PLEKHA3: variants seen among roughly 807,000 people sequenced by gnomAD.
The protein encoded by PLEKHA3 is pleckstrin homology domain-containing family A member 3.
In PLEKHA3, 19 loss-of-function variants were observed where a neutral mutation model predicts 39.2. That is an observed-to-expected ratio of 0.48 (90% CI 0.34 to 0.71). The LOEUF (loss-of-function observed/expected upper bound fraction) is 0.71, where lower values mean the gene tolerates loss of function less well. Ranked by LOEUF, PLEKHA3 falls within the 30% of genes least tolerant of loss-of-function variation. The pLI, the probability that PLEKHA3 is intolerant of heterozygous loss-of-function variation, is 0.01. For missense variants in PLEKHA3, 253 were observed against 359.5 expected (o/e 0.70, Z 2.40); for synonymous variants, 97 against 118.6 (o/e 0.82, Z 1.18).
chr2:178,503,142 G>A (rs972230477), intron 7 of PLEKHA3, among the ~76,000 whole-genome samples: 7 of 152,018 alleles, frequency 4.6e-5, no homozygotes, highest in African/African-American at 1.2e-4. Context: ...AGGTACAACT[G>A]CCTTAGAACA....
chr2:178,494,429 G>C (rs931838569), intron 4 of PLEKHA3, among the ~76,000 whole-genome samples: 1 of 152,224 alleles, frequency 6.6e-6, no homozygotes, highest in Non-Finnish European at 1.5e-5. Flanking sequence ...TCAAAACTCA[G>C]ATTAGTAGGA....
At chr2:178,499,306 G>T in intron 6 of PLEKHA3, 52 bp downstream of exon 6, 1 of 1,578,108 alleles carries the variant, frequency 6.3e-7, no homozygotes, top group African/African-American at 1.4e-5. Context: ...ATCCATCTAG[G>T]GAAGTTCTTT....
chr2:178,491,425 T>C (rs977229529), intron 3 of PLEKHA3, among the ~76,000 whole-genome samples: 4 of 152,202 alleles, frequency 2.6e-5, no homozygotes, highest in Non-Finnish European at 4.4e-5. Flanking sequence ...TTCAGAATTA[T>C]GTGTATTGTT....
At chr2:178,481,355 A>G (rs187960713) in intron 1 of PLEKHA3, among the ~76,000 whole-genome samples, 20 of 152,266 alleles carry the variant, frequency 1.3e-4, no homozygotes, top group African/African-American at 4.1e-4. Context: ...TTTCCTTAAC[A>G]TTTTATTTAA....
Position 178,513,412 on chromosome 2 carries a change from A to ATTAT in PLEKHA3, c.*9527_*9530dup, listed in dbSNP as rs1413863774. On this transcript the variant is annotated 3_prime_UTR_variant, in exon 8 of 8. Coordinates refer to ENST00000234453, the MANE Select transcript of PLEKHA3 (RefSeq NM_019091.4). ...TGACAGTTGAACAATTCTGACCCCTATTATTGTTGGCTGGACAGGCATTTT... is the reference window on the plus strand; with the variant it reads ...TGACAGTTGAACAATTCTGACCCCTATTATTTATTGTTGGCTGGACAGGCATTTT... 1 of 152,118 alleles carries ATTAT rather than the reference A, an allele frequency of 6.6e-6. No individual in the cohort carries two copies. The highest frequency in any genetic ancestry group is 1.5e-5 in the Non-Finnish European group (1 of 68,014). The allele number at this position is 152,118 out of a possible 1,614,324, so 9.4% of individuals were successfully genotyped here.
intron 6 of PLEKHA3, among the ~76,000 whole-genome samples, chr2:178,500,440 A>C (rs1685512721): frequency 6.6e-6 from 1 of 152,104 alleles, no homozygotes; most frequent in Non-Finnish European, 1.5e-5. Flanking sequence ...TACCTCATAA[A>C]ATAATAATTT....
Position 178,510,900 on chromosome 2 carries a change from T to C in PLEKHA3, c.*7013T>C, listed in dbSNP as rs575701574. 17 of 152,358 alleles carry C rather than the reference T, an allele frequency of 1.1e-4. No homozygotes were observed. Among genetic ancestry groups the C allele is most frequent in the Non-Finnish European group, 2.5e-4 (17 of 68,038 alleles). The allele number at this position is 152,358 out of a possible 1,614,324, so 9.4% of individuals were successfully genotyped here. A position where few individuals can be genotyped will look rare whatever the true frequency, so the allele number is the denominator to read the frequency against. On this transcript the variant is annotated 3_prime_UTR_variant, in exon 8 of 8. Transcript: ENST00000234453. Reference sequence around the variant, plus strand: ...TGTTTTGGGGAACATTTAATTTAAATACTATGTTCAATTTTTTTAATGGTC... The same window carrying C: ...TGTTTTGGGGAACATTTAATTTAAACACTATGTTCAATTTTTTTAATGGTC...
chr2:178,494,101 T>C lies in PLEKHA3; in HGVS notation c.450+112T>C, dbSNP rs570316274. The C allele has an allele frequency of 1.4e-5, 17 of 1,238,156 alleles. No homozygotes were observed. In the African/African-American group the frequency reaches 2.1e-4, roughly 15 times the overall value. 76.7% of individuals were successfully genotyped at this position (1,238,156 alleles called of 1,614,324 possible). Reference sequence around the variant, plus strand: ...TTTCACATTGAGTTATTTTCAGCTTTTCTGGGTTCTGCCTACTGTATACTA... The same window carrying C: ...TTTCACATTGAGTTATTTTCAGCTTCTCTGGGTTCTGCCTACTGTATACTA... On this transcript the variant is annotated intron_variant, in intron 4 of 7. Transcript: ENST00000234453.
chr2:178,500,528 T>C (rs1265094858), intron 6 of PLEKHA3, among the ~76,000 whole-genome samples: 2 of 152,154 alleles, frequency 1.3e-5, no homozygotes, highest in Non-Finnish European at 2.9e-5. Flanking sequence ...AAATAGTAGC[T>C]GAGATGCTGT....
At chr2:178,481,128 A>G (rs1477786782) in intron 1 of PLEKHA3, among the ~76,000 whole-genome samples, 2 of 152,136 alleles carry the variant, frequency 1.3e-5, no homozygotes, top group African/African-American at 4.8e-5. Context: ...CTTCTTTGCT[A>G]GTGTAATAAT....
At chr2:178,494,523 C>G (rs1014751798) in intron 4 of PLEKHA3, among the ~76,000 whole-genome samples, 2 of 152,210 alleles carry the variant, frequency 1.3e-5, no homozygotes, top group Non-Finnish European at 2.9e-5. Context: ...AGCATGTTGC[C>G]TGTCCCTTTT....
At position 178,507,165 on chromosome 2, in the gene PLEKHA3, C is replaced by G. The variant is rs929605675; in HGVS notation, c.*3278C>G. The stretch of plus-strand genomic sequence containing the variant: ...GTTATACTACTTTTTGTTGACTTAT[C>G]AATTTCAGAAACAGTTTCTCGAATA... On this transcript the variant is annotated 3_prime_UTR_variant, in exon 8 of 8. Transcript: ENST00000234453. The G allele has an allele frequency of 6.6e-6, 1 of 152,104 alleles. No individual in the cohort carries two copies. Among genetic ancestry groups the G allele is most frequent in the African/African-American group, 2.4e-5 (1 of 41,420 alleles). The allele number at this position is 152,104 out of a possible 1,614,324, so 9.4% of individuals were successfully genotyped here. A position where few individuals can be genotyped will look rare whatever the true frequency, so the allele number is the denominator to read the frequency against.
rs1276356277 is a variant in PLEKHA3 at position 178,507,399 on chromosome 2, G to A, written c.*3512G>A. On this transcript the variant is annotated 3_prime_UTR_variant, in exon 8 of 8. Coordinates refer to ENST00000234453, the MANE Select transcript of PLEKHA3 (RefSeq NM_019091.4). ...TTTACTAGAATGTTATTTTTTCTGG[G>A]GTTGGTATTGCCTGATTTTCAAATT... 6.6e-6 allele frequency: 1 copy of A among 151,906 alleles called. No individual in the cohort carries two copies. Among genetic ancestry groups the A allele is most frequent in the African/African-American group, 2.4e-5 (1 of 41,350 alleles). 9.4% of individuals were successfully genotyped at this position (151,906 alleles called of 1,614,324 possible).
chr2:178,487,500 G>T (rs1434557060), intron 2 of PLEKHA3, among the ~76,000 whole-genome samples: 1 of 151,794 alleles, frequency 6.6e-6, no homozygotes, highest in Non-Finnish European at 1.5e-5. Flanking sequence ...ATGCAGTGGT[G>T]TGATCATGGC....
Position 178,510,258 on chromosome 2 carries a change from C to G in PLEKHA3, c.*6371C>G, listed in dbSNP as rs1288104290. 1 of 153,278 alleles carries G rather than the reference C, an allele frequency of 6.5e-6. No individual in the cohort carries two copies. Among genetic ancestry groups the G allele is most frequent in the Non-Finnish European group, 1.5e-5 (1 of 68,004 alleles). The allele number at this position is 153,278 out of a possible 1,614,324, so 9.5% of individuals were successfully genotyped here. A position where few individuals can be genotyped will look rare whatever the true frequency, so the allele number is the denominator to read the frequency against. ...AAGAAACATTCAAGCCTTAAGAAAT[C>G]CAATCAGTTATAGTTACTTTAAAAG... On this transcript the variant is annotated 3_prime_UTR_variant, in exon 8 of 8. Transcript: ENST00000234453.
rs1321037662 is a variant in PLEKHA3 at position 178,509,960 on chromosome 2, TC to T, written c.*6075del. Reference sequence around the variant, plus strand: ...ATCTTGGCTCACTGCAACTTCCACTTCCTGGGTTCAAGCAATTCTCTTGTCT... The same window carrying T: ...ATCTTGGCTCACTGCAACTTCCACTTCTGGGTTCAAGCAATTCTCTTGTCT... On this transcript the variant is annotated 3_prime_UTR_variant, in exon 8 of 8. Transcript: ENST00000234453. The T allele has an allele frequency of 6.6e-6, 1 of 152,194 alleles. No individual in the cohort carries two copies. Among genetic ancestry groups the T allele is most frequent in the Admixed American group, 6.5e-5 (1 of 15,278 alleles). 9.4% of individuals were successfully genotyped at this position (152,194 alleles called of 1,614,324 possible). A position where few individuals can be genotyped will look rare whatever the true frequency, so the allele number is the denominator to read the frequency against.
Position 178,484,503 on chromosome 2 carries a change from A to G in PLEKHA3, c.41-1138A>G, listed in dbSNP as rs112297313. Reference sequence around the variant, plus strand: ...ATCCTTTTGGGGAATTAAGTCCTGGATCTGTATTAAAGTGTAAGGATGACT... The same window carrying G: ...ATCCTTTTGGGGAATTAAGTCCTGGGTCTGTATTAAAGTGTAAGGATGACT... On this transcript the variant is annotated intron_variant, in intron 1 of 7. Coordinates refer to ENST00000234453, the MANE Select transcript of PLEKHA3 (RefSeq NM_019091.4). 1.4e-3 allele frequency among the ~76,000 whole-genome samples: 213 copies of G among 152,256 alleles called. 3 individuals carry two copies. The highest frequency in any genetic ancestry group is 4.7e-3 in the African/African-American group (197 of 41,548).
rs551872696 is a variant in PLEKHA3, at chr2:178,509,132, G to A, written c.*5245G>A. 12 of 152,858 alleles carry A rather than the reference G, an allele frequency of 7.9e-5. No homozygotes were observed. Among genetic ancestry groups the A allele is most frequent in the Admixed American group, 2.0e-4 (3 of 15,280 alleles). The allele number at this position is 152,858 out of a possible 1,614,324, so 9.5% of individuals were successfully genotyped here. ...TTTGTTAAAATCTCATGGCTTTGTC[G>A]TCTGTGCTTTTTTGTGGATTAATAC... is the stretch of plus-strand genomic sequence containing the variant. On this transcript the variant is annotated 3_prime_UTR_variant, in exon 8 of 8. Transcript: ENST00000234453.
In PLEKHA3 at chr2:178,509,082, C is replaced by T. The variant is rs1685644675; in HGVS notation, c.*5195C>T. On this transcript the variant is annotated 3_prime_UTR_variant, in exon 8 of 8. Coordinates refer to ENST00000234453, the MANE Select transcript of PLEKHA3 (RefSeq NM_019091.4). ...CTCTGCTAGGTTAGGTATTGCACTT[C>T]CTCCTGGTTTTTATCTGTATAAACT... 6.5e-6 allele frequency: 1 copy of T among 153,666 alleles called. No individual in the cohort carries two copies. Among genetic ancestry groups the T allele is most frequent in the Non-Finnish European group, 1.5e-5 (1 of 68,060 alleles). 9.5% of individuals were successfully genotyped at this position (153,666 alleles called of 1,614,324 possible). A position where few individuals can be genotyped will look rare whatever the true frequency, so the allele number is the denominator to read the frequency against.
Sources: gnomAD v4.1 joint callset for allele counts (sites outside exome capture counted in the v4.1 genomes callset) on GRCh38, gnomAD v4.1.1 for gene constraint, MANE v1.5 for transcripts, NCBI Gene and HGNC (gene_info 2026-07-23, HGNC 2026-07-21) for gene names.